PEX14: variants seen among roughly 807,000 people sequenced by gnomAD.
PEX14 encodes the protein peroxisomal biogenesis factor 14.
Under a neutral mutation model 49.5 loss-of-function variants are expected in PEX14, and 15 were observed. That is an observed-to-expected ratio of 0.30 (90% CI 0.20 to 0.47). PEX14 has a LOEUF of 0.47. Among genes scored for constraint, PEX14 ranks in the 20% least tolerant of loss-of-function variants. PEX14 has a pLI of 1.00. For missense variants in PEX14, 398 were observed against 494.8 expected (o/e 0.80, Z 1.86); for synonymous variants, 210 against 212.7 (o/e 0.99, Z 0.11).
At chr1:10,549,933 C>T (rs1391038929) in intron 3 of PEX14, among the ~76,000 whole-genome samples, 2 of 152,156 alleles carry the variant, frequency 1.3e-5, no homozygotes, top group African/African-American at 4.8e-5. Context: ...ACTATTCATT[C>T]ATCCACCACC....
chr1:10,598,620 AG>A (rs1442246267), intron 3 of PEX14, among the ~76,000 whole-genome samples: 1 of 152,236 alleles, frequency 6.6e-6, no homozygotes, highest in East Asian at 1.9e-4. Flanking sequence ...GTGATAGGCT[AG>A]AATAATAATC....
intron 4 of PEX14, among the ~76,000 whole-genome samples, chr1:10,615,525 G>A (rs933865993): frequency 2.6e-5 from 4 of 152,252 alleles, no homozygotes; most frequent in South Asian, 2.1e-4. Context: ...GGGCGCAGCC[G>A]TGGGGAAGCA....
At chr1:10,608,624 T>G (rs536092364) in intron 4 of PEX14, among the ~76,000 whole-genome samples, 1 of 148,258 alleles carries the variant, frequency 6.7e-6, no homozygotes, top group Non-Finnish European at 1.5e-5. Flanking sequence ...ATTGTGCCAC[T>G]GCATTCCAGC....
chr1:10,567,482 C>G (rs975139835), intron 3 of PEX14, among the ~76,000 whole-genome samples: 4 of 151,928 alleles, frequency 2.6e-5, no homozygotes, highest in Admixed American at 6.6e-5. Context: ...ATTAGCTTGC[C>G]CAGTAAAAAA....
chr1:10,500,188 A>C (rs1641647422), intron 2 of PEX14, among the ~76,000 whole-genome samples: 1 of 151,432 alleles, frequency 6.6e-6, no homozygotes, highest in South Asian at 2.1e-4. Context: ...GGATCACCTG[A>C]GGTCAGGAGT....
At chr1:10,599,466 A>G in intron 4 of PEX14, 100 bp downstream of exon 4, 1 of 1,370,286 alleles carries the variant, frequency 7.3e-7, no homozygotes, top group Non-Finnish European at 1.0e-6. Flanking sequence ...AAACCAGGAG[A>G]AACTGGGAGC....
chr1:10,603,456 A>G (rs1489274564), intron 4 of PEX14, among the ~76,000 whole-genome samples: 1 of 152,176 alleles, frequency 6.6e-6, no homozygotes, highest in Non-Finnish European at 1.5e-5. Flanking sequence ...TGAAAGTGAT[A>G]GGAGGTTGGC....
At chr1:10,614,192 T>C (rs2124626143) in intron 4 of PEX14, among the ~76,000 whole-genome samples, 1 of 152,244 alleles carries the variant, frequency 6.6e-6, no homozygotes, top group South Asian at 2.1e-4. Flanking sequence ...CGGGTAGGAG[T>C]CATCTCTATC....
At chr1:10,534,407 T>C (rs1309856264) in intron 2 of PEX14, among the ~76,000 whole-genome samples, 1 of 152,068 alleles carries the variant, frequency 6.6e-6, no homozygotes, top group African/African-American at 2.4e-5. Context: ...TCTCCTGTTA[T>C]AGCTCCTTGT....
At chr1:10,560,696 T>C (rs1481758850) in intron 3 of PEX14, among the ~76,000 whole-genome samples, 2 of 150,868 alleles carry the variant, frequency 1.3e-5, no homozygotes, top group African/African-American at 4.9e-5. Flanking sequence ...ATTCAGTTTC[T>C]TAGTTGTTAA....
Position 10,584,111 on chromosome 1 carries a change from T to C in PEX14, c.170-15127T>C, listed in dbSNP as rs113576983. On this transcript the variant is annotated intron_variant, in intron 3 of 8. Transcript: ENST00000356607. ...AGTGTTGAGATGTGATCAGATTCCC[T>C]GGATATTTTTTTGGAAGTAAATCCA... Among the ~76,000 whole-genome samples, 517 of 152,362 alleles carry C rather than the reference T, an allele frequency of 3.4e-3. 4 individuals carry two copies. The highest frequency in any genetic ancestry group is 0.012 in the African/African-American group (490 of 41,590).
intron 3 of PEX14, among the ~76,000 whole-genome samples, chr1:10,580,062 A>G (rs1640268202): frequency 6.6e-6 from 1 of 152,118 alleles, no homozygotes; most frequent in African/African-American, 2.4e-5. Flanking sequence ...ATAGGAAAAT[A>G]TACAATACTA....
rs545159029 is a variant in PEX14 at position 10,495,475 on chromosome 1, C to G, written c.84+154C>G. On this transcript the variant is annotated intron_variant, in intron 2 of 8. Coordinates refer to ENST00000356607, the MANE Select transcript of PEX14 (RefSeq NM_004565.3). This position sits in a 1 kb window ranked among gnomAD's most constrained non-coding sequence, Gnocchi z 4.2. ...CCTCTGTCAGTGACCTCTGACTTCT[C>G]TTCTCGCGTGTGGGGACGAGTGAGA... Among the ~76,000 whole-genome samples the G allele has an allele frequency of 6.6e-6, 1 of 152,326 alleles. No homozygotes were observed. Among genetic ancestry groups the G allele is most frequent in the East Asian group, 1.9e-4 (1 of 5,188 alleles).
chr1:10,624,319 G>A (rs553967795), intron 6 of PEX14, 21 bp from the exon 7 acceptor site: 199 of 1,549,838 alleles, frequency 1.3e-4, no homozygotes, highest in Middle Eastern at 3.4e-4. Context: ...TGCCAGCGCC[G>A]TGACTGCTTT....
intron 2 of PEX14, among the ~76,000 whole-genome samples, chr1:10,527,279 G>C (rs1479525869): frequency 6.7e-6 from 1 of 148,816 alleles, no homozygotes; most frequent in African/African-American, 2.5e-5. Context: ...CACACTTTGG[G>C]AGGCCGAAAC....
chr1:10,490,316 C>T (rs963972536), intron 1 of PEX14, among the ~76,000 whole-genome samples: 3 of 152,124 alleles, frequency 2.0e-5, no homozygotes, highest in Non-Finnish European at 1.5e-5. Flanking sequence ...AGGATGGGTT[C>T]TCCTATCTGA....
chr1:10,498,027 C>T (rs993529092), intron 2 of PEX14, among the ~76,000 whole-genome samples: 1 of 152,202 alleles, frequency 6.6e-6, no homozygotes, highest in Non-Finnish European at 1.5e-5. Flanking sequence ...TGCCTATCAT[C>T]CCAGCACTTT....
intron 1 of PEX14, among the ~76,000 whole-genome samples, chr1:10,488,197 G>A (rs1032280376): frequency 2.0e-5 from 3 of 151,696 alleles, no homozygotes; most frequent in African/African-American, 7.3e-5. Context: ...GTGTCTCAAG[G>A]AATTTGTCCT....
Position 10,590,133 on chromosome 1 carries a change from C to G in PEX14, c.170-9105C>G, listed in dbSNP as rs1317757099. Among the ~76,000 whole-genome samples the G allele has an allele frequency of 2.0e-5, 3 of 152,190 alleles. No homozygotes were observed. In the East Asian group the frequency reaches 5.8e-4, roughly 29 times the overall value. On this transcript the variant is annotated intron_variant, in intron 3 of 8. Coordinates refer to ENST00000356607, the MANE Select transcript of PEX14 (RefSeq NM_004565.3). The stretch of plus-strand genomic sequence containing the variant: ...TCATGTCTGTGAGCCTCAGGCTCTT[C>G]CCCTGTAAATGGGGAGAATCAAGTG...
Sources: allele counts gnomAD v4.1 joint callset (sites outside exome capture counted in the v4.1 genomes callset), GRCh38; gene constraint gnomAD v4.1.1; non-coding constraint Gnocchi (gnomAD v3.1); transcripts MANE v1.5; gene names NCBI Gene and HGNC (gene_info 2026-07-23, HGNC 2026-07-21).